GSE1: variants seen among roughly 807,000 people sequenced by gnomAD.
GSE1 encodes genetic suppressor element 1.
A neutral mutation model predicts 112.6 loss-of-function variants in GSE1; 32 were observed. The observed-to-expected ratio is 0.28, with a 90% CI of 0.21 to 0.38. GSE1 has a LOEUF of 0.38. Ranked by LOEUF, GSE1 falls within the 10% of genes least tolerant of loss-of-function variation. The pLI, the probability that GSE1 is intolerant of heterozygous loss-of-function variation, is 1.00. For synonymous variants in GSE1, 1,115 were observed against 735.6 expected (o/e 1.52, Z -8.35); for missense variants, 2,348 against 1,699.2 (o/e 1.38, Z -6.71).
chr16:85,651,249 G>C (rs1368001811), intron 3 of GSE1, among the ~76,000 whole-genome samples: 2 of 151,974 alleles, frequency 1.3e-5, no homozygotes, highest in Non-Finnish European at 2.9e-5. Flanking sequence ...GAGCCTGCCG[G>C]GCCTTGCCTG....
chr16:85,395,312 G>A (rs1297128143), intron 2 of GSE1, among the ~76,000 whole-genome samples: 1 of 152,204 alleles, frequency 6.6e-6, no homozygotes, highest in Admixed American at 6.5e-5. Context: ...CCTGCTGAGC[G>A]TGTTAGAAAG....
intron 1 of GSE1, among the ~76,000 whole-genome samples, chr16:85,195,303 T>C (rs1271598726): frequency 1.3e-5 from 2 of 152,208 alleles, no homozygotes; most frequent in Non-Finnish European, 2.9e-5. Flanking sequence ...GAAGGATTTT[T>C]CTGAGTGCCA....
In GSE1 at chr16:85,517,168, C is replaced by T. The variant is rs373877700; in HGVS notation, c.2465-116746C>T. On this transcript the variant is annotated intron_variant, in intron 2 of 2. Transcript: ENST00000637419. The stretch of plus-strand genomic sequence containing the variant: ...GTTGTGGGCAGGCTGTGTCCCCCCT[C>T]GCTGGGGAGATGAAGGCAGCCTAGG... 3.6e-4 allele frequency among the ~76,000 whole-genome samples: 54 copies of T among 152,044 alleles called. 1 individual carries two copies. The highest frequency in any genetic ancestry group is 1.1e-3 in the African/African-American group (45 of 41,378).
At chr16:85,170,369 C>T (rs1338181732) in exon 1 of GSE1, 2 of 985,508 alleles carry the variant, frequency 2.0e-6, no homozygotes, top group African/African-American at 1.7e-5. Context: ...TGGCAAGGCC[C>T]TCTTGTCCAA....
chr16:85,446,488 G>T (rs1316582755), intron 2 of GSE1, among the ~76,000 whole-genome samples: 1 of 152,222 alleles, frequency 6.6e-6, no homozygotes, highest in Non-Finnish European at 1.5e-5. Flanking sequence ...ATTGCTGGTG[G>T]CTCTCCTGTT....
At chr16:85,430,604 G>A (rs1368203029) in intron 2 of GSE1, among the ~76,000 whole-genome samples, 1 of 152,200 alleles carries the variant, frequency 6.6e-6, no homozygotes, top group Non-Finnish European at 1.5e-5. Context: ...CTCTCCACAC[G>A]GCAGTCACTT....
At chr16:85,374,667 C>A (rs914628651) in intron 2 of GSE1, among the ~76,000 whole-genome samples, 1 of 152,130 alleles carries the variant, frequency 6.6e-6, no homozygotes, top group African/African-American at 2.4e-5. Flanking sequence ...TGGCAGCCAG[C>A]CAGGCCCATG....
chr16:85,305,582 G>C (rs1597348517), intron 1 of GSE1, among the ~76,000 whole-genome samples: 1 of 152,252 alleles, frequency 6.6e-6, no homozygotes, highest in Middle Eastern at 3.4e-3. Flanking sequence ...CTGGGTTCGA[G>C]CAATTCTCCT....
At chr16:85,458,150 T>TG (rs1424316282) in intron 2 of GSE1, among the ~76,000 whole-genome samples, 1 of 152,130 alleles carries the variant, frequency 6.6e-6, no homozygotes, top group Non-Finnish European at 1.5e-5. Flanking sequence ...GGCACTGACC[T>TG]GGCCTCCCAG....
chr16:85,505,144 G>A (rs975628721), intron 2 of GSE1, among the ~76,000 whole-genome samples: 15 of 152,194 alleles, frequency 9.9e-5, no homozygotes, highest in Non-Finnish European at 2.9e-5. Flanking sequence ...GTGTGCCTAG[G>A]GATGGACTCT....
chr16:85,505,319 C>T (rs1028456240), intron 2 of GSE1, among the ~76,000 whole-genome samples: 14 of 152,316 alleles, frequency 9.2e-5, no homozygotes, highest in Middle Eastern at 3.4e-3. Context: ...CCAGCCCCAA[C>T]CTCCCATGCA....
intron 1 of GSE1, among the ~76,000 whole-genome samples, chr16:85,340,713 C>T (rs1182410400): frequency 2.0e-5 from 3 of 152,182 alleles, no homozygotes; most frequent in Non-Finnish European, 4.4e-5. Flanking sequence ...GTGTGTGGTG[C>T]GTTCCTAGCT....
At chr16:85,561,858 A>G (rs777320707) in intron 1 of GSE1, among the ~76,000 whole-genome samples, 6 of 152,088 alleles carry the variant, frequency 3.9e-5, no homozygotes, top group Non-Finnish European at 8.8e-5. Context: ...CACCCATCTA[A>G]ACTGCTTCCA....
At chr16:85,667,815 G>A (rs974598253) in intron 13 of GSE1, among the ~76,000 whole-genome samples, 4 of 152,134 alleles carry the variant, frequency 2.6e-5, no homozygotes, top group Admixed American at 6.5e-5. Context: ...CCGAGATCAC[G>A]CCATTTCTCT....
At chr16:85,413,158 CA>C (rs2048621461) in intron 2 of GSE1, among the ~76,000 whole-genome samples, 2 of 152,206 alleles carry the variant, frequency 1.3e-5, no homozygotes, top group African/African-American at 2.4e-5. Flanking sequence ...GCACACCCTG[CA>C]ACAAGCACGT....
intron 1 of GSE1, among the ~76,000 whole-genome samples, chr16:85,622,189 CT>C (rs1272235677): frequency 4.6e-5 from 7 of 152,182 alleles, no homozygotes; most frequent in Non-Finnish European, 8.8e-5. Context: ...TCCAGGACTC[CT>C]GGCGCATGAC....
chr16:85,329,006 C>T (rs1258479533), intron 1 of GSE1, among the ~76,000 whole-genome samples: 2 of 152,178 alleles, frequency 1.3e-5, no homozygotes, highest in South Asian at 2.1e-4. Context: ...GAGGGGCGTT[C>T]GGTGGGGGAT....
At chr16:85,174,864 C>G (rs1028804207) in intron 1 of GSE1, among the ~76,000 whole-genome samples, 1 of 152,196 alleles carries the variant, frequency 6.6e-6, no homozygotes, top group African/African-American at 2.4e-5. Flanking sequence ...GTCCCCAAGC[C>G]CATTTCCTCA....
intron 2 of GSE1, among the ~76,000 whole-genome samples, chr16:85,534,695 G>A (rs575787614): frequency 2.0e-5 from 3 of 152,344 alleles, no homozygotes; most frequent in South Asian, 2.1e-4. Context: ...GGTGTGCAAT[G>A]TCTGTTGGGG....
Sources: allele counts gnomAD v4.1 joint callset (sites outside exome capture counted in the v4.1 genomes callset), GRCh38; gene constraint gnomAD v4.1.1; transcripts MANE v1.5; gene names NCBI Gene and HGNC (gene_info 2026-07-23, HGNC 2026-07-21).